FSTL5: variants seen among roughly 807,000 people sequenced by gnomAD.
FSTL5 encodes the protein follistatin-related protein 5.
Under a neutral mutation model 89.1 loss-of-function variants are expected in FSTL5, and 62 were observed. The ratio of observed to expected loss-of-function variants is 0.70; its 90% CI spans 0.57 to 0.86. The LOEUF is 0.86. Ranked by LOEUF, FSTL5 falls within the 40% of genes least tolerant of loss-of-function variation. The pLI, the probability that FSTL5 is intolerant of heterozygous loss-of-function variation, is 0.00. For synonymous variants in FSTL5, 383 were observed against 346.2 expected (o/e 1.11, Z -1.18); for missense variants, 1,057 against 1,001.6 (o/e 1.06, Z -0.75).
chr4:161,958,042 G>T (rs1415438570), intron 3 of FSTL5, among the ~76,000 whole-genome samples: 1 of 151,600 alleles, frequency 6.6e-6, no homozygotes, highest in East Asian at 1.9e-4. Flanking sequence ...CTTTATCCTT[G>T]CTTTATTTTA....
intron 7 of FSTL5, among the ~76,000 whole-genome samples, chr4:161,613,306 T>C (rs1209869513): frequency 1.3e-5 from 2 of 151,772 alleles, no homozygotes; most frequent in African/African-American, 2.4e-5. Context: ...CAAAAATTAG[T>C]TGGGCATGAT....
rs117804321 is a variant in FSTL5 at position 161,664,782 on chromosome 4, T to G, written c.728-8288A>C. ...ATGCTGCTGATAAAGATGTAACTGA[T>G]ACTGGGAATAAAAAGAAGTTTAACT... On this transcript the variant is annotated intron_variant, in intron 6 of 15. Transcript: ENST00000306100. 928 of 156,630 alleles carry G rather than the reference T, an allele frequency of 5.9e-3. 9 individuals are homozygous for G. Among genetic ancestry groups the G allele is most frequent in the South Asian group, 0.044 (219 of 4,998 alleles). 9.7% of individuals were successfully genotyped at this position (156,630 alleles called of 1,614,324 possible). A position where few individuals can be genotyped will look rare whatever the true frequency, so the allele number is the denominator to read the frequency against.
chr4:161,430,695 C>A (rs62326363), intron 15 of FSTL5, among the ~76,000 whole-genome samples: 1 of 151,968 alleles, frequency 6.6e-6, no homozygotes, highest in Non-Finnish European at 1.5e-5. Flanking sequence ...AGCCAAGATC[C>A]GGCTACTGCA....
chr4:161,795,703 T>C (rs938716482), intron 4 of FSTL5, among the ~76,000 whole-genome samples: 4 of 152,096 alleles, frequency 2.6e-5, no homozygotes, highest in African/African-American at 9.6e-5. Context: ...GCACTATTTG[T>C]TGAAGAGAGT....
chr4:161,858,297 T>G (rs1191449242), intron 4 of FSTL5, among the ~76,000 whole-genome samples: 1 of 152,202 alleles, frequency 6.6e-6, no homozygotes, highest in African/African-American at 2.4e-5. Context: ...ATTTCTGCTG[T>G]TTATAAGCCA....
Position 161,788,648 on chromosome 4 carries a change from G to A in FSTL5, c.410-12574C>T, listed in dbSNP as rs143985189. On this transcript the variant is annotated intron_variant, in intron 4 of 15. Transcript: ENST00000306100. ...TGCCTATAAACCCAACACTTTGGGA[G>A]GTAGAGGCAGGAGGATCTCTTGAGA... Among the ~76,000 whole-genome samples, 34 of 152,308 alleles carry A rather than the reference G, an allele frequency of 2.2e-4. No individual in the cohort carries two copies. The East Asian group carries it at 6.6e-3, about 29-fold the overall frequency.
At chr4:162,025,882 T>A (rs542569264) in intron 3 of FSTL5, among the ~76,000 whole-genome samples, 9 of 152,098 alleles carry the variant, frequency 5.9e-5, no homozygotes, top group African/African-American at 2.2e-4. Context: ...TTATATGAAA[T>A]TTTTACATTA....
intron 6 of FSTL5, among the ~76,000 whole-genome samples, chr4:161,714,656 C>T (rs1425823979): frequency 6.6e-6 from 1 of 152,130 alleles, no homozygotes; most frequent in Non-Finnish European, 1.5e-5. Flanking sequence ...GTCACCTTTA[C>T]ATACTAACCA....
chr4:161,715,266 T>C (rs1182075030), intron 6 of FSTL5, among the ~76,000 whole-genome samples: 1 of 152,170 alleles, frequency 6.6e-6, no homozygotes, highest in East Asian at 1.9e-4. Context: ...TGCAATACTG[T>C]TGATGTATGC....
At chr4:161,433,718 T>TA (rs1173046529) in intron 15 of FSTL5, among the ~76,000 whole-genome samples, 1 of 151,946 alleles carries the variant, frequency 6.6e-6, no homozygotes, top group Non-Finnish European at 1.5e-5. Context: ...AGTTGCAGGA[T>TA]AAAAAAGTCA....
chr4:162,080,218 G>T (rs1261516910), intron 2 of FSTL5, among the ~76,000 whole-genome samples: 2 of 151,550 alleles, frequency 1.3e-5, no homozygotes, highest in Non-Finnish European at 3.0e-5. Context: ...ATTTCAATCA[G>T]CTTTGGAAAT....
At chr4:161,613,259 T>G (rs954192798) in intron 7 of FSTL5, among the ~76,000 whole-genome samples, 1 of 152,082 alleles carries the variant, frequency 6.6e-6, no homozygotes, top group African/African-American at 2.4e-5. Context: ...GAGACCATCC[T>G]GGCCAAAATG....
chr4:161,496,787 AAGATAGAGATAG>A (rs70937658), intron 12 of FSTL5, among the ~76,000 whole-genome samples: 1,555 of 143,828 alleles, frequency 0.011, 25 homozygotes, highest in African/African-American at 0.036. Context: ...GATAGAGAAA[AAGATAGAGATAG>A]AGATAGAGAT....
intron 15 of FSTL5, among the ~76,000 whole-genome samples, chr4:161,435,878 C>T (rs1732542688): frequency 6.6e-6 from 1 of 151,980 alleles, no homozygotes; most frequent in South Asian, 2.1e-4. Flanking sequence ...CACAAAGAAA[C>T]AACTGGACTT....
chr4:161,462,636 G>T (rs1733620489), intron 13 of FSTL5, among the ~76,000 whole-genome samples: 1 of 152,110 alleles, frequency 6.6e-6, no homozygotes, highest in Non-Finnish European at 1.5e-5. Context: ...AAGGGTTATT[G>T]TGAGTATTAG....
chr4:162,133,873 A>G (rs1732416093), intron 1 of FSTL5, among the ~76,000 whole-genome samples: 1 of 152,186 alleles, frequency 6.6e-6, no homozygotes, highest in Non-Finnish European at 1.5e-5. Flanking sequence ...ATTCTCTCTT[A>G]CCTGGATAGC....
At chr4:161,565,962 T>A (rs933568301) in intron 8 of FSTL5, among the ~76,000 whole-genome samples, 1 of 151,294 alleles carries the variant, frequency 6.6e-6, no homozygotes, top group African/African-American at 2.4e-5. Context: ...GAATGATAGA[T>A]CTACATTTAG....
At chr4:162,078,136 A>T (rs986174875) in intron 2 of FSTL5, among the ~76,000 whole-genome samples, 1 of 151,838 alleles carries the variant, frequency 6.6e-6, no homozygotes, top group African/African-American at 2.4e-5. Flanking sequence ...ATTACACAGA[A>T]GGTAGAAGTT....
intron 4 of FSTL5, among the ~76,000 whole-genome samples, chr4:161,909,435 G>A (rs1256554732): frequency 2.0e-5 from 3 of 152,066 alleles, no homozygotes; most frequent in Non-Finnish European, 2.9e-5. Flanking sequence ...GGACACCACC[G>A]TGGAAGTCTA....
Sources: gnomAD v4.1 joint callset for allele counts (sites outside exome capture counted in the v4.1 genomes callset) on GRCh38, gnomAD v4.1.1 for gene constraint, MANE v1.5 for transcripts, NCBI Gene and HGNC (gene_info 2026-07-23, HGNC 2026-07-21) for gene names.